ADCY2: variants seen among roughly 807,000 people sequenced by gnomAD.
ADCY2 encodes adenylate cyclase type 2.
In ADCY2, 31 loss-of-function variants were observed where a neutral mutation model predicts 125.2. The ratio of observed to expected loss-of-function variants is 0.25; its 90% CI spans 0.19 to 0.33. The LOEUF (loss-of-function observed/expected upper bound fraction) is 0.33. ADCY2 is among the 10% of genes least tolerant of loss of function. The probability of loss-of-function intolerance (pLI) is 1.00; values close to 1 mark genes in which losing one functional copy is unlikely to be tolerated. For synonymous variants in ADCY2, 512 were observed against 548.4 expected (o/e 0.93, Z 0.93); for missense variants, 904 against 1,418.2 (o/e 0.64, Z 5.82).
chr5:7,818,065 A>G (rs1401157634), intron 23 of ADCY2, among the ~76,000 whole-genome samples: 1 of 152,142 alleles, frequency 6.6e-6, no homozygotes, highest in South Asian at 2.1e-4. Context: ...TTCTTTGACC[A>G]TTTTATGGTT....
intron 2 of ADCY2, among the ~76,000 whole-genome samples, chr5:7,438,798 G>A (rs142437052): frequency 9.2e-5 from 14 of 152,238 alleles, no homozygotes; most frequent in African/African-American, 1.4e-4. Context: ...GTGAACAGTC[G>A]GAGGTTCTGT....
chr5:7,748,287 A>G (rs1290481903), intron 15 of ADCY2, among the ~76,000 whole-genome samples: 1 of 152,120 alleles, frequency 6.6e-6, no homozygotes, highest in African/African-American at 2.4e-5. Context: ...GTCACACTGC[A>G]TTGAAATTTC....
chr5:7,805,653 A>C (rs1334654857), intron 22 of ADCY2, among the ~76,000 whole-genome samples: 2 of 152,128 alleles, frequency 1.3e-5, no homozygotes, highest in Non-Finnish European at 2.9e-5. Flanking sequence ...AAAGAGAAGA[A>C]GGGTTGAGTA....
intron 2 of ADCY2, among the ~76,000 whole-genome samples, chr5:7,424,891 T>G (rs1740331573): frequency 6.6e-6 from 1 of 152,224 alleles, no homozygotes; most frequent in Non-Finnish European, 1.5e-5. Flanking sequence ...TTTTCTCATC[T>G]GGGTCTGCCC....
intron 16 of ADCY2, 97 bp from the exon 17 acceptor site, chr5:7,766,590 G>T: frequency 8.0e-7 from 1 of 1,252,276 alleles, no homozygotes; most frequent in East Asian, 2.5e-5. Context: ...CCTGTTTACT[G>T]TGCATAAGGA....
intron 2 of ADCY2, among the ~76,000 whole-genome samples, chr5:7,458,989 C>T (rs536059721): frequency 2.6e-5 from 4 of 152,254 alleles, no homozygotes; most frequent in Non-Finnish European, 5.9e-5. Flanking sequence ...CAACCACTTG[C>T]CCCAAGACCA....
At chr5:7,474,247 AT>A (rs1241121419) in intron 2 of ADCY2, among the ~76,000 whole-genome samples, 1 of 152,260 alleles carries the variant, frequency 6.6e-6, no homozygotes, top group Non-Finnish European at 1.5e-5. Context: ...ACAAAGCAAG[AT>A]TGAACATGTA....
chr5:7,671,270 AAAGTT>A (rs1739924573), intron 4 of ADCY2, among the ~76,000 whole-genome samples: 1 of 152,228 alleles, frequency 6.6e-6, no homozygotes, highest in African/African-American at 2.4e-5. Flanking sequence ...AATGGGAAAA[AAAGTT>A]AAGGTATTTC....
intron 2 of ADCY2, among the ~76,000 whole-genome samples, chr5:7,447,602 T>C (rs1741315716): frequency 6.6e-6 from 1 of 152,188 alleles, no homozygotes; most frequent in African/African-American, 2.4e-5. Flanking sequence ...AAATGTTCAC[T>C]CCCACAGCCT....
Position 7,626,250 on chromosome 5 carries a change from A to G in ADCY2, c.654A>G (p.Gln218=), listed in dbSNP as rs1162274144. ...ACCTCATGGAACTCGCTCTTCAGCA[A>G]ACATATCAGGACACCTGTAATTGCA... ...HKHLMELALQ[Q]TYQDTCNCIK... Residue 218 remains glutamine (Q), a synonymous_variant, in exon 4 of 25, where the codon CAA becomes CAG. Transcript: ENST00000338316. 6.2e-7 allele frequency: 1 copy of G among 1,614,194 alleles called. No homozygotes were observed. Among genetic ancestry groups the G allele is most frequent in the African/African-American group, 1.3e-5 (1 of 75,070 alleles).
chr5:7,501,215 GTTCTA>G (rs1194831988), intron 2 of ADCY2, among the ~76,000 whole-genome samples: 1 of 151,174 alleles, frequency 6.6e-6, no homozygotes, highest in African/African-American at 2.4e-5. Flanking sequence ...TTTAGTGCTT[GTTCTA>G]TTCTATTTTT....
At chr5:7,489,579 C>T (rs560527829) in intron 2 of ADCY2, among the ~76,000 whole-genome samples, 1 of 152,292 alleles carries the variant, frequency 6.6e-6, no homozygotes, top group African/African-American at 2.4e-5. Context: ...TGCCTGCCGC[C>T]ATGTAAGACA....
intron 16 of ADCY2, among the ~76,000 whole-genome samples, chr5:7,761,699 A>G (rs1319568317): frequency 6.6e-6 from 1 of 152,180 alleles, no homozygotes; most frequent in Non-Finnish European, 1.5e-5. Context: ...TTATCACCTA[A>G]TTCTTAAAGA....
chr5:7,511,150 G>T (rs955467026), intron 2 of ADCY2, among the ~76,000 whole-genome samples: 3 of 152,010 alleles, frequency 2.0e-5, no homozygotes, highest in Admixed American at 6.6e-5. Flanking sequence ...CAAATGCAGG[G>T]ACCCATCCCA....
intron 3 of ADCY2, among the ~76,000 whole-genome samples, chr5:7,535,650 T>G (rs905284410): frequency 1.3e-5 from 2 of 152,212 alleles, no homozygotes; most frequent in African/African-American, 4.8e-5. Flanking sequence ...GATCCATACA[T>G]GGATTTACAT....
At chr5:7,623,305 A>G (rs1738017764) in intron 3 of ADCY2, among the ~76,000 whole-genome samples, 1 of 152,196 alleles carries the variant, frequency 6.6e-6, no homozygotes, top group South Asian at 2.1e-4. Context: ...TTTCAGCCAC[A>G]CCTAATAAGG....
chr5:7,618,564 A>G (rs1408718686), intron 3 of ADCY2, among the ~76,000 whole-genome samples: 1 of 152,210 alleles, frequency 6.6e-6, no homozygotes, highest in African/African-American at 2.4e-5. Flanking sequence ...TCATGCTTTT[A>G]AATAAAACTA....
chr5:7,428,391 G>GT lies in ADCY2; in HGVS notation c.408+13627dup, dbSNP rs558555865. On this transcript the variant is annotated intron_variant, in intron 2 of 24. Coordinates refer to ENST00000338316, the MANE Select transcript of ADCY2 (RefSeq NM_020546.3). ...AAAACTATCTTAAGCCAAAGATAGA[G>GT]TTTTTTCTGCTAAATAAATGGCTTT... is the stretch of plus-strand genomic sequence containing the variant. Among the ~76,000 whole-genome samples the GT allele has an allele frequency of 4.6e-3, 700 of 152,292 alleles. 7 individuals carry two copies. Among genetic ancestry groups the GT allele is most frequent in the Non-Finnish European group, 7.3e-3 (498 of 68,012 alleles).
intron 2 of ADCY2, among the ~76,000 whole-genome samples, chr5:7,470,884 CT>C (rs368339905): frequency 9.0e-4 from 137 of 151,814 alleles, no homozygotes; most frequent in African/African-American, 3.2e-3. Flanking sequence ...ATTTTTCCAA[CT>C]ACGATTTGAG....
Sources: allele counts gnomAD v4.1 joint callset (sites outside exome capture counted in the v4.1 genomes callset), GRCh38; gene constraint gnomAD v4.1.1; transcripts MANE v1.5; gene names NCBI Gene and HGNC (gene_info 2026-07-23, HGNC 2026-07-21).